Variants in MACROD2 observed in about 807,000 individuals in gnomAD.
MACROD2 encodes the protein ADP-ribose glycohydrolase MACROD2.
Under a neutral mutation model 70.4 loss-of-function variants are expected in MACROD2, and 36 were observed. The ratio of observed to expected loss-of-function variants is 0.51; its 90% CI spans 0.39 to 0.68. The LOEUF is 0.68. MACROD2 is among the 30% of genes least tolerant of loss of function. The probability of loss-of-function intolerance (pLI) is 0.00; values close to 1 mark genes in which losing one functional copy is unlikely to be tolerated. For synonymous variants in MACROD2, 172 were observed against 178.8 expected, an observed-to-expected ratio of 0.96 and a Z score of 0.30; for missense variants, 496 against 538.4, an observed-to-expected ratio of 0.92 and a Z score of 0.78.
chr20:15,613,966 G>A (rs575187073), intron 8 of MACROD2, among the ~76,000 whole-genome samples: 1 of 152,344 alleles, frequency 6.6e-6, no homozygotes, highest in South Asian at 2.1e-4. Context: ...ACCTATGGGA[G>A]CAGGTGGTGT....
intron 5 of MACROD2, among the ~76,000 whole-genome samples, chr20:15,079,489 T>G (rs1028416903): frequency 6.6e-6 from 1 of 152,154 alleles, no homozygotes; most frequent in Non-Finnish European, 1.5e-5. Context: ...TGACTACTAC[T>G]TCTTATCTTT....
intron 5 of MACROD2, among the ~76,000 whole-genome samples, chr20:15,080,538 G>A (rs535573202): frequency 1.7e-4 from 26 of 152,096 alleles, no homozygotes; most frequent in African/African-American, 5.3e-4. Flanking sequence ...GAACACTGGA[G>A]TTTTCCAGGG....
chr20:14,090,732 C>A (rs1291331595), intron 3 of MACROD2, among the ~76,000 whole-genome samples: 15 of 152,124 alleles, frequency 9.9e-5, no homozygotes, highest in Admixed American at 9.8e-4. Context: ...CATGGCAGTA[C>A]CGATATCCCT....
intron 8 of MACROD2, among the ~76,000 whole-genome samples, chr20:15,591,856 T>A (rs1455428458): frequency 6.6e-6 from 1 of 152,178 alleles, no homozygotes; most frequent in East Asian, 1.9e-4. Context: ...CTTTCTTTTT[T>A]CAAACAATGA....
chr20:15,249,658 G>C (rs1429608228), intron 6 of MACROD2, among the ~76,000 whole-genome samples: 2 of 152,208 alleles, frequency 1.3e-5, no homozygotes, highest in African/African-American at 4.8e-5. Flanking sequence ...GTAACTATTA[G>C]TTTAAAGGCA....
At chr20:14,388,721 T>A (rs1231366348) in intron 3 of MACROD2, among the ~76,000 whole-genome samples, 1 of 151,780 alleles carries the variant, frequency 6.6e-6, no homozygotes, top group Admixed American at 6.6e-5. Context: ...GCAATTCTAT[T>A]TTTTTTTAAT....
At chr20:15,484,309 G>A (rs1481616186) in intron 7 of MACROD2, among the ~76,000 whole-genome samples, 1 of 152,066 alleles carries the variant, frequency 6.6e-6, no homozygotes, top group African/African-American at 2.4e-5. Context: ...TTAGTCATGT[G>A]GTGGTTAGAT....
At chr20:15,313,641 ATTTCTC>A (rs1568714684) in intron 6 of MACROD2, among the ~76,000 whole-genome samples, 1 of 151,438 alleles carries the variant, frequency 6.6e-6, no homozygotes, top group Admixed American at 6.6e-5. Context: ...TTTTCTTCTC[ATTTCTC>A]TTAATGAACA....
At chr20:15,436,021 C>T (rs747147525) in intron 7 of MACROD2, among the ~76,000 whole-genome samples, 5 of 152,028 alleles carry the variant, frequency 3.3e-5, no homozygotes, top group Admixed American at 2.0e-4. Flanking sequence ...ACACAAAGGT[C>T]GCATGCCATA....
intron 5 of MACROD2, among the ~76,000 whole-genome samples, chr20:14,790,395 A>G (rs2072435920): frequency 6.6e-6 from 1 of 152,124 alleles, no homozygotes; most frequent in African/African-American, 2.4e-5. Flanking sequence ...GGAGTTGCTG[A>G]AAAGGATTAT....
intron 3 of MACROD2, among the ~76,000 whole-genome samples, chr20:14,374,664 A>C (rs776032579): frequency 1.3e-5 from 2 of 152,160 alleles, no homozygotes; most frequent in Non-Finnish European, 2.9e-5. Context: ...TTAGATTTGT[A>C]ATATCAGATG....
chr20:15,881,135 G>A (rs2064749158), intron 9 of MACROD2, among the ~76,000 whole-genome samples: 1 of 152,028 alleles, frequency 6.6e-6, no homozygotes, highest in South Asian at 2.1e-4. Flanking sequence ...CTCAAGAAAT[G>A]GTTATTTGAC....
chr20:15,227,988 T>A (rs1013901914), intron 5 of MACROD2, among the ~76,000 whole-genome samples: 1 of 152,080 alleles, frequency 6.6e-6, no homozygotes, highest in Admixed American at 6.6e-5. Context: ...TAGTTGGGTA[T>A]AAATAACAAG....
chr20:15,187,019 T>G (rs961030060), intron 5 of MACROD2, among the ~76,000 whole-genome samples: 4 of 152,218 alleles, frequency 2.6e-5, no homozygotes, highest in African/African-American at 9.6e-5. Flanking sequence ...ATATTGTATT[T>G]TATTCATTTG....
chr20:14,363,276 C>T (rs1170479984), intron 3 of MACROD2, among the ~76,000 whole-genome samples: 1 of 151,902 alleles, frequency 6.6e-6, no homozygotes, highest in Non-Finnish European at 1.5e-5. Context: ...AATTTCTCAA[C>T]GGGGAGATAC....
chr20:14,037,387 C>T (rs2053327201), intron 2 of MACROD2, among the ~76,000 whole-genome samples: 1 of 152,172 alleles, frequency 6.6e-6, no homozygotes. Flanking sequence ...ATAAAGCCTT[C>T]TTTCATGCAA....
Position 16,049,920 on chromosome 20 carries a change from C to A in MACROD2, c.*44C>A. The A allele has an allele frequency of 9.5e-7, 1 of 1,058,172 alleles. No homozygotes were observed. The highest frequency in any genetic ancestry group is 1.3e-5 in the South Asian group (1 of 74,406). The allele number at this position is 1,058,172 out of a possible 1,614,324, so 65.5% of individuals were successfully genotyped here. A position where few individuals can be genotyped will look rare whatever the true frequency, so the allele number is the denominator to read the frequency against. On this transcript the variant is annotated 3_prime_UTR_variant, in exon 18 of 18. Transcript: ENST00000684519. ...GGCCTCTCCTGGCTCTGGGGGAGCT[C>A]GGGAAGATAGCAGCACACGCTGTGG...
chr20:14,081,201 C>T (rs2053989778), intron 2 of MACROD2, among the ~76,000 whole-genome samples: 1 of 152,212 alleles, frequency 6.6e-6, no homozygotes, highest in African/African-American at 2.4e-5. Context: ...GACTTGCCTT[C>T]AGCAAGAATA....
intron 3 of MACROD2, among the ~76,000 whole-genome samples, chr20:14,167,963 A>G (rs914754587): frequency 2.6e-5 from 4 of 152,162 alleles, no homozygotes; most frequent in Non-Finnish European, 5.9e-5. Context: ...CATCAGTCAA[A>G]AGAAATATCC....
Sources: gnomAD v4.1 joint callset for allele counts (sites outside exome capture counted in the v4.1 genomes callset) on GRCh38, gnomAD v4.1.1 for gene constraint, MANE v1.5 for transcripts, NCBI Gene and HGNC (gene_info 2026-07-23, HGNC 2026-07-21) for gene names.